The following MOBP variants were observed in gnomAD, a reference collection of about 807,000 sequenced individuals.
MOBP encodes the protein myelin-associated oligodendrocyte basic protein.
In MOBP, 5 loss-of-function variants were observed where a neutral mutation model predicts 15.0. That is an observed-to-expected ratio of 0.33 (90% CI 0.17 to 0.70). MOBP has a LOEUF of 0.70. Among genes scored for constraint, MOBP ranks in the 30% least tolerant of loss-of-function variants. The pLI is 0.67. For synonymous variants in MOBP, 88 were observed against 99.0 expected, an observed-to-expected ratio of 0.89 and a Z score of 0.66; for missense variants, 188 against 257.8, an observed-to-expected ratio of 0.73 and a Z score of 1.85.
chr3:39,507,226 G>T (rs1453803386), downstream of MOBP, among the ~76,000 whole-genome samples: 3 of 152,152 alleles, frequency 2.0e-5, no homozygotes, highest in Non-Finnish European at 4.4e-5. Context: ...GTCTACACTT[G>T]ATTTCTTTCC....
At chr3:39,490,624 G>A (rs1021069584) in intron 2 of MOBP, among the ~76,000 whole-genome samples, 2 of 152,036 alleles carry the variant, frequency 1.3e-5, no homozygotes, top group South Asian at 2.1e-4. Context: ...GTGCAGTGGC[G>A]TGATCTTGGC....
At chr3:39,488,232 T>A (rs1020090198) in intron 2 of MOBP, among the ~76,000 whole-genome samples, 23 of 152,204 alleles carry the variant, frequency 1.5e-4, no homozygotes, top group Admixed American at 1.4e-3. Context: ...ACAGTGCAAT[T>A]GATTTCTGCC....
chr3:39,504,139 C>T (rs1448616464), downstream of MOBP, among the ~76,000 whole-genome samples: 1 of 152,186 alleles, frequency 6.6e-6, no homozygotes, highest in East Asian at 1.9e-4. Context: ...CAAGATTAGG[C>T]AAGTTTAATT....
chr3:39,514,661 T>TTG (rs1305348021), exon 5 of MOBP: 3 of 152,276 alleles, frequency 2.0e-5, no homozygotes, highest in African/African-American at 7.2e-5. Context: ...TTTCTCTCTC[T>TTG]GTGTAGGAGG....
intron 2 of MOBP, among the ~76,000 whole-genome samples, chr3:39,493,521 G>A (rs2042831645): frequency 6.6e-6 from 1 of 152,154 alleles, no homozygotes; most frequent in South Asian, 2.1e-4. Context: ...CTGGGGACAG[G>A]ACATAAGTGG....
At chr3:39,508,618 C>A (rs512857) in intron 4 of MOBP, among the ~76,000 whole-genome samples, 1 of 150,282 alleles carries the variant, frequency 6.7e-6, no homozygotes. Flanking sequence ...GGCATGATCT[C>A]GGCTCACTGC....
intron 1 of MOBP, among the ~76,000 whole-genome samples, chr3:39,479,810 CT>C (rs113326971): frequency 0.28 from 41,455 of 146,912 alleles, 7,213 homozygotes; most frequent in African/African-American, 0.5. Context: ...GGACATATAG[CT>C]TTTTTTTTTT....
intron 3 of MOBP, among the ~76,000 whole-genome samples, chr3:39,522,728 A>G (rs986799008): frequency 2.0e-5 from 3 of 152,258 alleles, no homozygotes; most frequent in South Asian, 2.1e-4. Flanking sequence ...TGTACACAGT[A>G]TCAACTTTTA....
rs762709973 is a variant in MOBP at position 39,468,733 on chromosome 3, TATGTGTGTGTATATATACATATATAC to T, written c.-89+1042_-89+1067del. Among the ~76,000 whole-genome samples the T allele has an allele frequency of 4.9e-3, 585 of 118,384 alleles. 28 individuals are homozygous for T. Among genetic ancestry groups the T allele is most frequent in the Non-Finnish European group, 7.4e-3 (450 of 61,060 alleles). 77.7% of individuals were successfully genotyped at this position (118,384 alleles called of 152,430 possible). A position where few individuals can be genotyped will look rare whatever the true frequency, so the allele number is the denominator to read the frequency against. On this transcript the variant is annotated intron_variant, in intron 1 of 3. Coordinates refer to ENST00000684792, the MANE Select transcript of MOBP (RefSeq NM_001393704.1). Reference sequence around the variant, plus strand: ...ATGTGTGTGTATATACATATATACATATGTGTGTGTATATATACATATATACATGTGTGTGTATATATACATATATA... The same window carrying T: ...ATGTGTGTGTATATACATATATACATATGTGTGTGTATATATACATATATA...
At chr3:39,473,072 T>A (rs1201386106) in intron 1 of MOBP, among the ~76,000 whole-genome samples, 1 of 152,154 alleles carries the variant, frequency 6.6e-6, no homozygotes, top group Non-Finnish European at 1.5e-5. Flanking sequence ...TGGGATTAGA[T>A]CCCATCATGT....
intron 1 of MOBP, among the ~76,000 whole-genome samples, chr3:39,473,786 A>G (rs1156459333): frequency 6.6e-6 from 1 of 152,236 alleles, no homozygotes. Flanking sequence ...CACAGAATAT[A>G]TGTATCAAAA....
chr3:39,524,364 T>G (rs1345481384), intron 4 of MOBP: 2 of 152,228 alleles, frequency 1.3e-5, no homozygotes, highest in Admixed American at 6.5e-5. Flanking sequence ...GCTTTTAAGA[T>G]TTTCCTCTTT....
chr3:39,480,429 T>A (rs2042611933), intron 2 of MOBP, among the ~76,000 whole-genome samples: 1 of 152,188 alleles, frequency 6.6e-6, no homozygotes, highest in South Asian at 2.1e-4. Flanking sequence ...TAAACAGACT[T>A]CCTCCCTTTA....
At chr3:39,495,884 A>C (rs932723161) in intron 2 of MOBP, among the ~76,000 whole-genome samples, 2 of 151,890 alleles carry the variant, frequency 1.3e-5, no homozygotes, top group Admixed American at 1.3e-4. Context: ...TGAAGTAGAT[A>C]GCTTCTGACA....
At chr3:39,490,942 G>A (rs182691980) in intron 2 of MOBP, among the ~76,000 whole-genome samples, 9 of 152,212 alleles carry the variant, frequency 5.9e-5, no homozygotes, top group Non-Finnish European at 1.2e-4. Flanking sequence ...GCCATGTACC[G>A]GAAGGAATTA....
exon 5 of MOBP, chr3:39,515,029 T>C (rs2043182159): frequency 6.6e-6 from 1 of 150,964 alleles, no homozygotes; most frequent in African/African-American, 2.5e-5. Context: ...TTGGGAAACT[T>C]AGCTTTCAGA....
intron 1 of MOBP, among the ~76,000 whole-genome samples, chr3:39,469,283 CAT>C (rs1470894916): frequency 8.6e-6 from 1 of 116,826 alleles, no homozygotes; most frequent in African/African-American, 2.7e-5. Context: ...GATATATATA[CAT>C]ATGTGTGTAT....
At chr3:39,513,581 G>A in exon 5 of MOBP, 1 of 724,014 alleles carries the variant, frequency 1.4e-6, no homozygotes, top group Non-Finnish European at 2.3e-6. Flanking sequence ...CCATGGCATG[G>A]GGGCCTCAGG....
At chr3:39,468,748 A>G (rs1304476876) in intron 1 of MOBP, among the ~76,000 whole-genome samples, 3 of 145,404 alleles carry the variant, frequency 2.1e-5, no homozygotes, top group East Asian at 2.0e-4. Flanking sequence ...GTGTGTATAT[A>G]TACATATATA....
Sources: allele counts gnomAD v4.1 joint callset (sites outside exome capture counted in the v4.1 genomes callset), GRCh38; gene constraint gnomAD v4.1.1; transcripts MANE v1.5; gene names NCBI Gene and HGNC (gene_info 2026-07-23, HGNC 2026-07-21).